The following EQTN variants were observed in gnomAD, a reference collection of about 807,000 sequenced individuals.
The protein encoded by EQTN is equatorin, also known as Acrosome formation associated factor.
A neutral mutation model predicts 26.9 loss-of-function variants in EQTN; 29 were observed. The observed-to-expected ratio is 1.08, with a 90% CI of 0.80 to 1.47. The LOEUF (loss-of-function observed/expected upper bound fraction) is 1.47, where lower values mean the gene tolerates loss of function less well. Ranked by LOEUF, EQTN falls within the 40% of genes most tolerant of loss-of-function variation. EQTN has a pLI of 0.00. For synonymous variants in EQTN, 129 were observed against 120.0 expected (o/e 1.07, Z -0.49); for missense variants, 391 against 346.1 (o/e 1.13, Z -1.03).
intron 6 of EQTN, among the ~76,000 whole-genome samples, chr9:27,288,514 G>A (rs966712641): frequency 6.6e-6 from 1 of 152,084 alleles, no homozygotes; most frequent in Non-Finnish European, 1.5e-5. Flanking sequence ...CATATTCATA[G>A]GTATTTACCA....
At position 27,294,388 on chromosome 9, in the gene EQTN, G is replaced by A; in HGVS notation, c.217C>T (p.Gln73Ter). Residue 73 changes from glutamine (Q) to a stop codon, truncating the protein, a stop_gained, in exon 3 of 8, where the codon CAA becomes TAA. Transcript: ENST00000380032. LOFTEE classifies it high-confidence loss of function. ...TCAGACTCAGTGCCATTTGGATTTT[G>A]TGTTGTGAACACATCTAAAAACAAA... ...KDIKQYVFTTQNPNGTESEIS... is the reference protein window; with the variant it reads ...KDIKQYVFTT The A allele has an allele frequency of 6.2e-7, 1 of 1,607,710 alleles. No individual in the cohort carries two copies. The highest frequency in any genetic ancestry group is 8.5e-7 in the Non-Finnish European group (1 of 1,176,012).
Position 27,284,969 on chromosome 9 carries a change from A to T in EQTN, c.639T>A (p.Tyr213Ter). 6.2e-7 allele frequency: 1 copy of T among 1,609,614 alleles called. No homozygotes were observed. The highest frequency in any genetic ancestry group is 1.1e-5 in the South Asian group (1 of 89,920). Residue 213 changes from tyrosine to a stop codon, truncating the protein, a stop_gained, in exon 8 of 8, where the codon TAT becomes TAA. Transcript: ENST00000380032. LOFTEE classifies it low-confidence loss of function (END_TRUNC). ...CAGAGTACTGACTCTCACAACTTTT[A>T]TAACTGAAGAAGAAAAGAACATATA... ...ATLYKLRHLSYKSCESQYSVN... is the reference protein window; with the variant it reads ...ATLYKLRHLS
chr9:27,296,512 A>G (rs1820346506), intron 2 of EQTN, 101 bp downstream of exon 2: 3 of 854,382 alleles, frequency 3.5e-6, no homozygotes, highest in East Asian at 2.8e-5. Flanking sequence ...AAAATACCCA[A>G]CAAATACAGG....
chr9:27,286,423 AAG>A, intron 6 of EQTN, 61 bp from the exon 7 acceptor site: 1 of 1,493,746 alleles, frequency 6.7e-7, no homozygotes, highest in Admixed American at 2.0e-5. Context: ...TGAAGGAGTA[AAG>A]ATTGCAAAGC....
intron 5 of EQTN, 147 bp from the exon 6 acceptor site, chr9:27,289,878 T>C (rs1766523811): frequency 2.0e-6 from 1 of 511,262 alleles, no homozygotes; most frequent in Non-Finnish European, 3.3e-6. Context: ...TAAAGTCTTA[T>C]AAACACTGTA....
intron 3 of EQTN, among the ~76,000 whole-genome samples, chr9:27,293,169 A>T (rs1820271261): frequency 6.6e-6 from 1 of 152,172 alleles, no homozygotes; most frequent in African/African-American, 2.4e-5. Context: ...ACAGAGGGGC[A>T]GAAAAAATTC....
chr9:27,286,155 G>A (rs1037424572), intron 7 of EQTN, 54 bp downstream of exon 7: 1 of 1,543,788 alleles, frequency 6.5e-7, no homozygotes. Context: ...AGAGGAGGGA[G>A]AGAATGCGAT....
intron 2 of EQTN, among the ~76,000 whole-genome samples, chr9:27,295,938 G>C (rs10114724): frequency 2.6e-5 from 4 of 151,146 alleles, no homozygotes; most frequent in Non-Finnish European, 4.4e-5. Context: ...AAAATGCAGA[G>C]ATTATAAAGA....
At chr9:27,291,686 G>A (rs1422603772) in intron 4 of EQTN, among the ~76,000 whole-genome samples, 2 of 152,158 alleles carry the variant, frequency 1.3e-5, no homozygotes, top group Non-Finnish European at 2.9e-5. Flanking sequence ...ATACCAGGAT[G>A]ATCAGGTTTT....
chr9:27,291,141 T>C lies in EQTN; in HGVS notation c.377-78A>G, dbSNP rs1820227690. On this transcript the variant is annotated intron_variant, in intron 4 of 7. Transcript: ENST00000380032. ...CAAAATAATTTAGTTTGAGGAACAT[T>C]CGTTTGTTAGTCATTTAGCAGTTAA... The C allele has an allele frequency of 2.2e-5, 29 of 1,316,212 alleles. No individual in the cohort carries two copies. The South Asian group carries it at 3.9e-4, about 18-fold the overall frequency. The allele number at this position is 1,316,212 out of a possible 1,614,324, so 81.5% of individuals were successfully genotyped here.
chr9:27,286,195 G>T lies in EQTN; in HGVS notation c.635+14C>A, dbSNP rs753470364. The stretch of plus-strand genomic sequence containing the variant: ...TGCATTTGTTGTAAAGACTGCAGAG[G>T]TCTGCAGACTTACCTCAGATGCCTC... On this transcript the variant is annotated intron_variant, in intron 7 of 7. Transcript: ENST00000380032. The T allele has an allele frequency of 1.2e-6, 2 of 1,612,580 alleles. No individual in the cohort carries two copies. Among genetic ancestry groups the T allele is most frequent in the Non-Finnish European group, 1.7e-6 (2 of 1,178,916 alleles).
chr9:27,290,281 G>A (rs1231006707), intron 5 of EQTN, among the ~76,000 whole-genome samples: 1 of 151,524 alleles, frequency 6.6e-6, no homozygotes, highest in African/African-American at 2.4e-5. Flanking sequence ...CAGAACGAGA[G>A]CTGAATAAAG....
intron 4 of EQTN, 58 bp from the exon 5 acceptor site, chr9:27,291,121 T>C (rs1820226983): frequency 1.4e-6 from 2 of 1,470,672 alleles, no homozygotes; most frequent in East Asian, 4.8e-5. Flanking sequence ...GATAACAAAA[T>C]AATTTAGTTT....
In EQTN at chr9:27,296,706, C is replaced by T. The variant is rs1463927615; in HGVS notation, c.109G>A (p.Val37Ile). Residue 37 changes from valine (V) to isoleucine (I), a missense_variant, in exon 2 of 8, where the codon GTT becomes ATT. Physicochemically the swap from Val to Ile is conservative, Grantham distance 29. Coordinates refer to ENST00000380032, the MANE Select transcript of EQTN (RefSeq NM_020641.3). ...LPNVLPLNED[V>I]NKQEEKNEDH... is the part of the protein sequence containing the mutation. ...TCATTCTTTTCTTCCTGCTTATTAA[C>T]ATCTTCATTTAAAGGTAGCACATTA... is the stretch of plus-strand genomic sequence containing the variant. 8 of 1,609,954 alleles carry T rather than the reference C, an allele frequency of 5.0e-6. No individual in the cohort carries two copies. The highest frequency in any genetic ancestry group is 6.8e-6 in the Non-Finnish European group (8 of 1,178,336).
In EQTN at chr9:27,286,111, T is replaced by A; in HGVS notation, c.635+98A>T. ...CAATTTGAATGTCGTATGGATGAAT[T>A]CAGAGGTCACATATTCCTAAGAATC... On this transcript the variant is annotated intron_variant, in intron 7 of 7. Transcript: ENST00000380032. 4.1e-6 allele frequency: 5 copies of A among 1,207,968 alleles called. No individual in the cohort carries two copies. In the South Asian group the frequency reaches 4.4e-5, roughly 11 times the overall value. 74.8% of individuals were successfully genotyped at this position (1,207,968 alleles called of 1,614,324 possible).
chr9:27,294,366 G>C lies in EQTN; in HGVS notation c.239C>G (p.Ser80Cys). 6.2e-7 allele frequency: 1 copy of C among 1,610,464 alleles called. No homozygotes were observed. The highest frequency in any genetic ancestry group is 8.5e-7 in the Non-Finnish European group (1 of 1,177,740). The part of the protein sequence containing the change: ...FTTQNPNGTE[S>C]EISVRATTDL... Reference sequence around the variant, plus strand: ...AGTTGTGGCTCTCACAGATATTTCAGACTCAGTGCCATTTGGATTTTGTGT... The same window carrying C: ...AGTTGTGGCTCTCACAGATATTTCACACTCAGTGCCATTTGGATTTTGTGT... Residue 80 changes from serine to cysteine, a missense_variant, in exon 3 of 8, where the codon TCT becomes TGT. Coordinates refer to ENST00000380032, the MANE Select transcript of EQTN (RefSeq NM_020641.3).
chr9:27,285,226 C>T (rs1035395726), intron 7 of EQTN, among the ~76,000 whole-genome samples: 4 of 148,630 alleles, frequency 2.7e-5, no homozygotes, highest in African/African-American at 1.0e-4. Context: ...TCACTGCAAC[C>T]TCCGCCTCCC....
At chr9:27,295,923 G>C (rs1056319424) in intron 2 of EQTN, among the ~76,000 whole-genome samples, 1 of 148,320 alleles carries the variant, frequency 6.7e-6, no homozygotes, top group African/African-American at 2.5e-5. Context: ...GCTTAGGCAA[G>C]ACACAAAATG....
rs201723057 is a variant in EQTN at position 27,285,133 on chromosome 9, CTTTTTTTTTTTT to C, written c.636-173_636-162del. On this transcript the variant is annotated intron_variant, in intron 7 of 7. Coordinates refer to ENST00000380032, the MANE Select transcript of EQTN (RefSeq NM_020641.3). ...GATATATAGTTTTTCTTTTCTTTTC[CTTTTTTTTTTTT>C]TTTTTTTTTTTTTTTTTGAGACAGA... is the stretch of plus-strand genomic sequence containing the variant. Among the ~76,000 whole-genome samples the C allele has an allele frequency of 1.3e-4, 10 of 77,078 alleles. No individual in the cohort carries two copies. The South Asian group carries it at 2.0e-3, about 15-fold the overall frequency. The allele number at this position is 77,078 out of a possible 152,430, so 50.6% of individuals were successfully genotyped here.
Sources: gnomAD v4.1 joint callset for allele counts (sites outside exome capture counted in the v4.1 genomes callset) on GRCh38, gnomAD v4.1.1 for gene constraint, MANE v1.5 for transcripts, NCBI Gene and HGNC (gene_info 2026-07-23, HGNC 2026-07-21) for gene names.